Variants in ATF7IP observed in about 807,000 individuals in gnomAD.
ATF7IP encodes the protein activating transcription factor 7 interacting protein.
In ATF7IP, 23 loss-of-function variants were observed where a neutral mutation model predicts 106.4. The observed-to-expected ratio is 0.22, with a 90% confidence interval of 0.16 to 0.31. The LOEUF (loss-of-function observed/expected upper bound fraction) is 0.31, where lower values mean the gene tolerates loss of function less well. Ranked by LOEUF, ATF7IP falls within the 10% of genes least tolerant of loss-of-function variation. The probability of loss-of-function intolerance (pLI) is 1.00; values close to 1 mark genes in which losing one functional copy is unlikely to be tolerated. For synonymous variants in ATF7IP, 542 were observed against 539.0 expected (o/e 1.01, Z -0.08); for missense variants, 1,334 against 1,524.3 (o/e 0.88, Z 2.08).
intron 1 of ATF7IP, among the ~76,000 whole-genome samples, chr12:14,415,573 C>T (rs115744948): frequency 0.016 from 2,362 of 152,120 alleles, 25 homozygotes; most frequent in Non-Finnish European, 0.019. Context: ...TTGCATTCCA[C>T]ATTTTGGTCG....
At chr12:14,404,956 A>C (rs938475943) in intron 1 of ATF7IP, among the ~76,000 whole-genome samples, 1 of 152,220 alleles carries the variant, frequency 6.6e-6, no homozygotes, top group Admixed American at 6.5e-5. Context: ...GGTTTTGGGT[A>C]AAGAACTCTG....
At chr12:14,400,920 T>C (rs150422917) in intron 1 of ATF7IP, among the ~76,000 whole-genome samples, 1 of 152,216 alleles carries the variant, frequency 6.6e-6, no homozygotes, top group Non-Finnish European at 1.5e-5. Flanking sequence ...TATGTTGTTT[T>C]ATGAATTGCC....
At chr12:14,465,939 A>G (rs758962310) in intron 9 of ATF7IP, among the ~76,000 whole-genome samples, 1 of 152,134 alleles carries the variant, frequency 6.6e-6, no homozygotes, top group Non-Finnish European at 1.5e-5. Context: ...AATTTAATAC[A>G]TTCTCTCTTT....
rs371698013 is a variant in ATF7IP at position 14,473,881 on chromosome 12, A to G, written c.2863-2009A>G. 2.0e-3 allele frequency among the ~76,000 whole-genome samples: 299 copies of G among 151,950 alleles called. 1 individual carries two copies. Among genetic ancestry groups the G allele is most frequent in the Admixed American group, 5.8e-3 (88 of 15,276 alleles). On this transcript the variant is annotated intron_variant, in intron 10 of 14. Coordinates refer to ENST00000261168, the MANE Select transcript of ATF7IP (RefSeq NM_018179.5). The stretch of plus-strand genomic sequence containing the variant: ...TTCTTGCTTCCATAGTTTCTGACCA[A>G]TAGTCAGCAGTTACTCTTTGCTCCT...
chr12:14,405,492 A>G (rs1056573471), intron 1 of ATF7IP, among the ~76,000 whole-genome samples: 1 of 132,758 alleles, frequency 7.5e-6, no homozygotes, highest in Non-Finnish European at 1.5e-5. Context: ...ATGGCTCACT[A>G]TGACCTTGAC....
chr12:14,421,166 AC>A (rs1255994648), intron 1 of ATF7IP, among the ~76,000 whole-genome samples: 1 of 152,174 alleles, frequency 6.6e-6, no homozygotes, highest in Non-Finnish European at 1.5e-5. Flanking sequence ...TTGGTAGATA[AC>A]CTTTATCAGA....
At chr12:14,438,064 A>C in intron 4 of ATF7IP, 66 bp from the exon 5 acceptor site, 8 of 1,505,956 alleles carry the variant, frequency 5.3e-6, no homozygotes, top group Non-Finnish European at 7.2e-6. Flanking sequence ...AAAAAAAAGA[A>C]TATTTACTGT....
chr12:14,423,574 C>CTTTTTTTTTTTTTTTTTTTTTTTTTTT, intron 1 of ATF7IP, among the ~76,000 whole-genome samples: 14 of 34,390 alleles, frequency 4.1e-4, no homozygotes, highest in African/African-American at 8.9e-4. Context: ...TCTTCAGGTA[C>CTTTTTTTTTTTTTTTTTTTTTTTTTTT]TTTTTTTTTT....
intron 1 of ATF7IP, among the ~76,000 whole-genome samples, chr12:14,415,942 G>A (rs1015112622): frequency 1.3e-5 from 2 of 151,966 alleles, no homozygotes; most frequent in African/African-American, 4.8e-5. Flanking sequence ...GGAGTCCTGG[G>A]ACCAGTCTCC....
At chr12:14,461,338 AAGTT>A (rs1358512335) in intron 9 of ATF7IP, among the ~76,000 whole-genome samples, 1 of 152,092 alleles carries the variant, frequency 6.6e-6, no homozygotes, top group Non-Finnish European at 1.5e-5. Flanking sequence ...TTTGAATTAG[AAGTT>A]AGTATCTGTG....
intron 13 of ATF7IP, among the ~76,000 whole-genome samples, chr12:14,487,516 A>C (rs954757090): frequency 1.1e-4 from 17 of 152,162 alleles, no homozygotes; most frequent in African/African-American, 3.9e-4. Flanking sequence ...CCTCAGACAA[A>C]GTTGGAAAGA....
intron 10 of ATF7IP, among the ~76,000 whole-genome samples, chr12:14,474,934 T>C (rs561165585): frequency 7.9e-5 from 12 of 152,340 alleles, no homozygotes; most frequent in African/African-American, 2.9e-4. Flanking sequence ...ATAACCCATT[T>C]TCTGTGAAAT....
chr12:14,403,664 C>T (rs974462073), intron 1 of ATF7IP, among the ~76,000 whole-genome samples: 1 of 152,052 alleles, frequency 6.6e-6, no homozygotes, highest in African/African-American at 2.4e-5. Context: ...AAATAAGGTG[C>T]TAGATCTGCA....
At position 14,424,397 on chromosome 12, in the gene ATF7IP, C is replaced by T. The variant is rs202238899; in HGVS notation, c.482C>T (p.Ser161Phe). 5 of 1,613,944 alleles carry T rather than the reference C, an allele frequency of 3.1e-6. No individual in the cohort carries two copies. The East Asian group carries it at 1.1e-4, about 36-fold the overall frequency. ...SGDSTSGDPT[S>F]SEPSSSDAAS... ...GATTCCACCTCTGGTGATCCCACCT[C>T]TAGCGAGCCCTCCTCTAGTGATGCT... The change falls in exon 2 of 15, where the codon TCT becomes TTT. Residue 161 changes from serine to phenylalanine, a missense_variant. Physicochemically the swap from Ser to Phe is radical, Grantham distance 155. This residue lies in a region of ATF7IP where 438 missense variants were observed against 405.3 expected (regional missense o/e 1.08). Coordinates refer to ENST00000261168, the MANE Select transcript of ATF7IP (RefSeq NM_018179.5).
chr12:14,432,697 G>A (rs1013354576), intron 2 of ATF7IP, among the ~76,000 whole-genome samples: 2 of 151,964 alleles, frequency 1.3e-5, no homozygotes, highest in African/African-American at 4.8e-5. Flanking sequence ...TGCTATTAGG[G>A]CTGTTGTGAT....
At chr12:14,372,744 C>T (rs1938580086) in intron 1 of ATF7IP, among the ~76,000 whole-genome samples, 1 of 152,088 alleles carries the variant, frequency 6.6e-6, no homozygotes, top group Non-Finnish European at 1.5e-5. Context: ...GCCATAATGT[C>T]TTACTATATA....
At chr12:14,367,294 A>G (rs1430932806) in intron 1 of ATF7IP, 5 of 152,168 alleles carry the variant, frequency 3.3e-5, no homozygotes, top group Non-Finnish European at 4.4e-5. Context: ...GATGTAATTG[A>G]AAGTAATACT....
chr12:14,460,626 A>G lies in ATF7IP; in HGVS notation c.2290A>G (p.Thr764Ala), dbSNP rs774754166. 1 of 1,614,194 alleles carries G rather than the reference A, an allele frequency of 6.2e-7. No homozygotes were observed. Among genetic ancestry groups the G allele is most frequent in the Non-Finnish European group, 8.5e-7 (1 of 1,180,022 alleles). Reference protein sequence around the residue: ...PAPNTATVVATTQVPSGNPQP... With the variant: ...PAPNTATVVAATQVPSGNPQP... ...ACCCAATACAGCTACTGTAGTTGCTACTACTCAGGTGCCTAGTGGAAATCC... is the reference window on the plus strand; with the variant it reads ...ACCCAATACAGCTACTGTAGTTGCTGCTACTCAGGTGCCTAGTGGAAATCC... The change falls in exon 9 of 15, where the codon ACT becomes GCT. Residue 764 changes from threonine (T) to alanine (A), a missense_variant. Thr to Ala is a moderately conservative substitution (Grantham distance 58, BLOSUM62 0). Transcript: ENST00000261168.
rs1943830920 is a variant in ATF7IP at position 14,466,336 on chromosome 12, T to A, written c.2798-190T>A. On this transcript the variant is annotated intron_variant, in intron 9 of 14. Coordinates refer to ENST00000261168, the MANE Select transcript of ATF7IP (RefSeq NM_018179.5). Reference sequence around the variant, plus strand: ...AAGTTTTTTTTAATCTGTATTGTGATCTGTATAGTAATCTGTATGGTATCT... The same window carrying A: ...AAGTTTTTTTTAATCTGTATTGTGAACTGTATAGTAATCTGTATGGTATCT... The A allele has an allele frequency of 7.3e-6, 4 of 547,762 alleles. 1 individual carries two copies. The South Asian group carries it at 1.0e-4, about 14-fold the overall frequency. The allele number at this position is 547,762 out of a possible 1,614,324, so 33.9% of individuals were successfully genotyped here.
Sources: allele counts gnomAD v4.1 joint callset (sites outside exome capture counted in the v4.1 genomes callset), GRCh38; gene constraint gnomAD v4.1.1; regional missense constraint gnomAD v4.1.1; transcripts MANE v1.5; gene names NCBI Gene and HGNC (gene_info 2026-07-23, HGNC 2026-07-21).